The following PI4K2A variants were observed in gnomAD, a reference collection of about 807,000 sequenced individuals.
PI4K2A encodes phosphatidylinositol 4-kinase type 2-alpha.
A neutral mutation model predicts 55.0 loss-of-function variants in PI4K2A; 20 were observed. That is an observed-to-expected ratio of 0.36 (90% CI 0.26 to 0.53). The LOEUF (loss-of-function observed/expected upper bound fraction) is 0.53, where lower values mean the gene tolerates loss of function less well. PI4K2A is among the 20% of genes least tolerant of loss of function. The pLI, the probability that PI4K2A is intolerant of heterozygous loss-of-function variation, is 0.91. For synonymous variants in PI4K2A, 235 were observed against 258.5 expected (o/e 0.91, Z 0.87); for missense variants, 463 against 637.1 (o/e 0.73, Z 2.94).
chr10:97,673,957 G>A (rs1484414271), exon 9 of PI4K2A: 4 of 541,050 alleles, frequency 7.4e-6, no homozygotes, highest in Non-Finnish European at 1.3e-5. Flanking sequence ...GGAGGCTGGA[G>A]CTCCATGCAC....
chr10:97,665,527 G>T (rs1331659628), intron 6 of PI4K2A, among the ~76,000 whole-genome samples: 1 of 152,166 alleles, frequency 6.6e-6, no homozygotes, highest in East Asian at 1.9e-4. Flanking sequence ...GCCTGCCTCA[G>T]CCTCCCAAAA....
chr10:97,645,253 A>G (rs2041499362), intron 1 of PI4K2A, among the ~76,000 whole-genome samples: 2 of 152,084 alleles, frequency 1.3e-5, no homozygotes, highest in South Asian at 4.1e-4. Flanking sequence ...TCAGATTTTT[A>G]AAAACATTCC....
At chr10:97,658,332 C>T (rs575436767) in intron 4 of PI4K2A, among the ~76,000 whole-genome samples, 13 of 152,324 alleles carry the variant, frequency 8.5e-5, no homozygotes, top group Non-Finnish European at 1.9e-4. Flanking sequence ...ATAACGTTCT[C>T]AAGGTACATC....
intron 1 of PI4K2A, among the ~76,000 whole-genome samples, chr10:97,649,607 AGATTTTTTTTTT>A (rs1209370725): frequency 3.9e-5 from 4 of 102,382 alleles, no homozygotes; most frequent in Admixed American, 1.1e-4. Flanking sequence ...ATTCCATAAT[AGATTTTTTTTTT>A]TTTTTTTTTT....
chr10:97,642,788 G>T (rs947855077), intron 1 of PI4K2A, among the ~76,000 whole-genome samples: 13 of 144,896 alleles, frequency 9.0e-5, no homozygotes, highest in African/African-American at 3.3e-4. Context: ...TCAGCCAGAG[G>T]CTTGCTTGCT....
At chr10:97,657,629 C>T (rs2041561741) in intron 4 of PI4K2A, among the ~76,000 whole-genome samples, 1 of 149,902 alleles carries the variant, frequency 6.7e-6, no homozygotes. Context: ...AATTGCACCA[C>T]TGCACTCTAA....
intron 1 of PI4K2A, among the ~76,000 whole-genome samples, chr10:97,649,654 G>T (rs1432707336): frequency 2.9e-5 from 3 of 103,662 alleles, no homozygotes; most frequent in African/African-American, 6.9e-5. Context: ...GCAGAGGCTT[G>T]GTCTTGTCAC....
chr10:97,659,154 C>G (rs2041569061), intron 4 of PI4K2A, among the ~76,000 whole-genome samples: 1 of 152,148 alleles, frequency 6.6e-6, no homozygotes, highest in Admixed American at 6.5e-5. Context: ...CCTACCTCTG[C>G]CACCCGAGTA....
chr10:97,640,936 C>T (rs2041464374), exon 1 of PI4K2A: 1 of 1,386,686 alleles, frequency 7.2e-7, no homozygotes, highest in Non-Finnish European at 9.2e-7. Flanking sequence ...TTGGATCGGG[C>T]CCGGGGCGCG....
Position 97,656,675 on chromosome 10 carries a change from CA to C in PI4K2A, c.769-144del. The stretch of plus-strand genomic sequence containing the variant: ...TTACATCTCTTTTCTCCTGTACTTG[CA>C]AGAAATGAGGAAGTAAAGATCTTGA... On this transcript the variant is annotated intron_variant, in intron 3 of 8. Transcript: ENST00000370631. This position sits in a 1 kb window ranked among gnomAD's most constrained non-coding sequence, Gnocchi z 4.5. 1 of 770,118 alleles carries C rather than the reference CA, an allele frequency of 1.3e-6. No homozygotes were observed. 47.7% of individuals were successfully genotyped at this position (770,118 alleles called of 1,614,324 possible).
At chr10:97,667,432 A>G (rs572599741) in intron 8 of PI4K2A, among the ~76,000 whole-genome samples, 1 of 151,926 alleles carries the variant, frequency 6.6e-6, no homozygotes, top group South Asian at 2.1e-4. Context: ...CTGGTCTCGA[A>G]CTCCTGACCT....
intron 2 of PI4K2A, among the ~76,000 whole-genome samples, chr10:97,652,958 C>G (rs1357674133): frequency 6.6e-6 from 1 of 152,226 alleles, no homozygotes; most frequent in Non-Finnish European, 1.5e-5. Flanking sequence ...GCTTCTAGTT[C>G]CCATTTCACA....
At chr10:97,659,173 T>G (rs1397282362) in intron 4 of PI4K2A, among the ~76,000 whole-genome samples, 3 of 152,238 alleles carry the variant, frequency 2.0e-5, no homozygotes, top group East Asian at 3.9e-4. Context: ...TAGCTGGGAC[T>G]ACAGGTGTGA....
chr10:97,642,835 C>T (rs577281248), intron 1 of PI4K2A, among the ~76,000 whole-genome samples: 19,734 of 33,008 alleles, frequency 0.6, 4,507 homozygotes, highest in African/African-American at 0.66. Flanking sequence ...TCCTTCCTTC[C>T]TTCCTTCCTT....
exon 9 of PI4K2A, chr10:97,675,191 T>C (rs2135766107): frequency 6.5e-6 from 1 of 152,758 alleles, no homozygotes; most frequent in Admixed American, 6.5e-5. Flanking sequence ...TCTTGAAGGT[T>C]TGAAAAACAA....
intron 8 of PI4K2A, among the ~76,000 whole-genome samples, chr10:97,668,107 A>G (rs1358633245): frequency 1.3e-5 from 2 of 152,202 alleles, no homozygotes; most frequent in Non-Finnish European, 2.9e-5. Flanking sequence ...TATTATGCCT[A>G]TCACTTTGAA....
intron 1 of PI4K2A, among the ~76,000 whole-genome samples, chr10:97,649,609 ATTTTTTTTTTTT>A (rs60329004): frequency 0.13 from 9,202 of 70,692 alleles, 936 homozygotes; most frequent in African/African-American, 0.31. Context: ...TCCATAATAG[ATTTTTTTTTTTT>A]TTTTTTTTTT....
In PI4K2A at chr10:97,662,454, G is replaced by A. The variant is rs531214131; in HGVS notation, c.923-453G>A. Among the ~76,000 whole-genome samples, 14 of 152,328 alleles carry A rather than the reference G, an allele frequency of 9.2e-5. No individual in the cohort carries two copies. The East Asian group carries it at 2.7e-3, about 29-fold the overall frequency. Reference sequence around the variant, plus strand: ...CAATCCAGTATCACTTTAATTTCAGGTGTTGAGGGGAGCTTAGTGTATTTC... The same window carrying A: ...CAATCCAGTATCACTTTAATTTCAGATGTTGAGGGGAGCTTAGTGTATTTC... On this transcript the variant is annotated intron_variant, in intron 4 of 8. Transcript: ENST00000370631.
intron 6 of PI4K2A, among the ~76,000 whole-genome samples, chr10:97,665,627 C>T (rs2041606222): frequency 1.4e-5 from 2 of 147,230 alleles, no homozygotes; most frequent in African/African-American, 2.5e-5. Context: ...GAGTCTTGCC[C>T]TGTCGCCCAG....
Sources: allele counts gnomAD v4.1 joint callset (sites outside exome capture counted in the v4.1 genomes callset), GRCh38; gene constraint gnomAD v4.1.1; non-coding constraint Gnocchi (gnomAD v3.1); transcripts MANE v1.5; gene names NCBI Gene and HGNC (gene_info 2026-07-23, HGNC 2026-07-21).